The following CDCP2 variants were observed in gnomAD, a reference collection of about 807,000 sequenced individuals.
CDCP2 encodes the protein CUB domain-containing protein 2.
CDCP2 carries 31 observed loss-of-function variants against 31.0 expected under a neutral mutation model. The ratio of observed to expected loss-of-function variants is 1.00; its 90% confidence interval spans 0.75 to 1.35. The LOEUF (loss-of-function observed/expected upper bound fraction) is 1.35, where lower values mean the gene tolerates loss of function less well. Among genes scored for constraint, CDCP2 ranks in the 40% most tolerant of loss-of-function variants. CDCP2 has a pLI of 0.00. For synonymous variants in CDCP2, 206 were observed against 207.9 expected (o/e 0.99, Z 0.08); for missense variants, 443 against 482.6 (o/e 0.92, Z 0.77).
chr1:54,145,369 T>C (rs1659449732), intron 1 of CDCP2, among the ~76,000 whole-genome samples: 1 of 152,082 alleles, frequency 6.6e-6, no homozygotes, highest in African/African-American at 2.4e-5. Context: ...GAGGTTGCAG[T>C]GAGCCAAGAT....
chr1:54,142,961 T>C (rs1234999932), intron 2 of CDCP2: 1 of 152,226 alleles, frequency 6.6e-6, no homozygotes, highest in African/African-American at 2.4e-5. Context: ...AATTTAAATA[T>C]TCTACATTTA....
At chr1:54,148,757 G>A (rs1007215193) in intron 1 of CDCP2, among the ~76,000 whole-genome samples, 1 of 150,814 alleles carries the variant, frequency 6.6e-6, no homozygotes, top group African/African-American at 2.5e-5. Flanking sequence ...AAGGCCGGGT[G>A]CCATGGCTCA....
exon 4 of CDCP2, chr1:54,139,959 A>G (rs1217140549): frequency 7.4e-6 from 12 of 1,614,188 alleles, no homozygotes; most frequent in Non-Finnish European, 1.0e-5. Context: ...GGGCTCCTCC[A>G]GGTCCAGGTC....
chr1:54,141,237 C>T (rs557423915), exon 3 of CDCP2: 1 of 1,613,474 alleles, frequency 6.2e-7, no homozygotes, highest in African/African-American at 1.3e-5. Context: ...TGGGGCCAGG[C>T]CCCCCAAGCA....
intron 1 of CDCP2, among the ~76,000 whole-genome samples, chr1:54,147,646 C>T (rs1388867304): frequency 6.6e-6 from 1 of 151,780 alleles, no homozygotes; most frequent in Non-Finnish European, 1.5e-5. Flanking sequence ...GGATTACAGG[C>T]GTGAGCCACC....
chr1:54,150,113 C>CCCA (rs761519567), intron 1 of CDCP2, among the ~76,000 whole-genome samples: 18 of 152,298 alleles, frequency 1.2e-4, no homozygotes, highest in Non-Finnish European at 1.5e-4. Context: ...TCTTGGGGCT[C>CCCA]CCACCACCAC....
intron 1 of CDCP2, among the ~76,000 whole-genome samples, chr1:54,151,621 G>A (rs988405142): frequency 6.6e-6 from 1 of 152,196 alleles, no homozygotes; most frequent in African/African-American, 2.4e-5. Flanking sequence ...GGCATGGGTT[G>A]AGATGCTTGG....
intron 5 of CDCP2, among the ~76,000 whole-genome samples, chr1:54,135,805 T>C (rs1659249505): frequency 1.3e-5 from 2 of 152,100 alleles, no homozygotes; most frequent in Admixed American, 6.5e-5. Flanking sequence ...GCCAGAGGCA[T>C]ACATGTGGCT....
chr1:54,138,745 A>G (rs1287396923), intron 4 of CDCP2: 1 of 152,306 alleles, frequency 6.6e-6, no homozygotes, highest in East Asian at 1.9e-4. Context: ...CAAACAAGCA[A>G]GAAGAAGGCA....
intron 1 of CDCP2, among the ~76,000 whole-genome samples, chr1:54,149,187 C>T (rs1659531625): frequency 6.6e-6 from 1 of 151,346 alleles, no homozygotes; most frequent in Admixed American, 6.6e-5. Context: ...GCTATGACCA[C>T]AGCACTGTAG....
chr1:54,139,658 A>G (rs1659324531), intron 4 of CDCP2, 95 bp downstream of exon 4: 1 of 1,612,822 alleles, frequency 6.2e-7, no homozygotes, highest in South Asian at 1.1e-5. Flanking sequence ...GGGGGGCAGG[A>G]CAAACTGGTG....
Position 54,141,083 on chromosome 1 carries a change from G to A in CDCP2, c.763+15C>T, listed in dbSNP as rs74549030. 5.9e-5 allele frequency: 90 copies of A among 1,514,210 alleles called. No individual in the cohort carries two copies. The highest frequency in any genetic ancestry group is 1.8e-4 in the Middle Eastern group (1 of 5,518). 93.8% of individuals were successfully genotyped at this position (1,514,210 alleles called of 1,614,324 possible). A position where few individuals can be genotyped will look rare whatever the true frequency, so the allele number is the denominator to read the frequency against. On this transcript the variant is annotated intron_variant, in intron 3 of 5. Coordinates refer to ENST00000530059, the Ensembl canonical transcript of CDCP2. ...GGCACAGGAGGATTCAGGGTGGAGC[G>A]CCAGCCCCTCCTACCTGAGAAGTAG...
intron 1 of CDCP2, among the ~76,000 whole-genome samples, chr1:54,149,804 T>G (rs1279081819): frequency 6.6e-6 from 1 of 152,206 alleles, no homozygotes; most frequent in African/African-American, 2.4e-5. Flanking sequence ...TGGTGCTTAG[T>G]GTATATTTGC....
chr1:54,139,426 A>T, intron 4 of CDCP2: 1 of 997,222 alleles, frequency 1.0e-6, no homozygotes, highest in Non-Finnish European at 1.5e-6. Context: ...TATTTTGTCT[A>T]TTTCCCCTGG....
At chr1:54,137,140 C>T (rs1011010674) in intron 4 of CDCP2, among the ~76,000 whole-genome samples, 1 of 152,206 alleles carries the variant, frequency 6.6e-6, no homozygotes, top group South Asian at 2.1e-4. Flanking sequence ...CTGCTAATCA[C>T]TTGGCCATGT....
Position 54,145,825 on chromosome 1 carries a change from T to C in CDCP2, c.80-1012A>G, listed in dbSNP as rs146268541. 4.8e-3 allele frequency among the ~76,000 whole-genome samples: 724 copies of C among 152,312 alleles called. 6 individuals carry two copies. The highest frequency in any genetic ancestry group is 0.016 in the African/African-American group (673 of 41,558). ...ATGTGCCCTGTTTCATAATTTTCACTGTGTAAGCATATAAAATACTTTATA... is the reference window on the plus strand; with the variant it reads ...ATGTGCCCTGTTTCATAATTTTCACCGTGTAAGCATATAAAATACTTTATA... On this transcript the variant is annotated intron_variant, in intron 1 of 5. Transcript: ENST00000530059.
chr1:54,139,797 T>C (rs761082458), exon 4 of CDCP2: 2 of 1,614,142 alleles, frequency 1.2e-6, no homozygotes, highest in East Asian at 2.2e-5. Context: ...GGTGCTGCGG[T>C]CTGTGTGCAG....
At chr1:54,140,463 C>A in intron 3 of CDCP2, 1 of 364,608 alleles carries the variant, frequency 2.7e-6, no homozygotes, top group South Asian at 2.4e-5. Flanking sequence ...CCTGGCCTTT[C>A]CCCTTTTCTC....
chr1:54,134,368 C>T (rs916914648), intron 5 of CDCP2, among the ~76,000 whole-genome samples: 6 of 152,244 alleles, frequency 3.9e-5, no homozygotes, highest in Non-Finnish European at 7.3e-5. Flanking sequence ...GGGCCTGGCA[C>T]CCTGCTGCCC....
Sources: gnomAD v4.1 joint callset for allele counts (sites outside exome capture counted in the v4.1 genomes callset) on GRCh38, gnomAD v4.1.1 for gene constraint, MANE v1.5 for transcripts, NCBI Gene and HGNC (gene_info 2026-07-23, HGNC 2026-07-21) for gene names.